CLSTN2: variants seen among roughly 807,000 people sequenced by gnomAD.
CLSTN2 encodes calsyntenin-2.
A neutral mutation model predicts 101.2 loss-of-function variants in CLSTN2; 48 were observed. The observed-to-expected ratio is 0.47, with a 90% CI of 0.38 to 0.60. CLSTN2 has a LOEUF of 0.60. Ranked by LOEUF, CLSTN2 falls within the 20% of genes least tolerant of loss-of-function variation. The probability of loss-of-function intolerance (pLI) is 0.00; values close to 1 mark genes in which losing one functional copy is unlikely to be tolerated. For missense variants in CLSTN2, 1,160 were observed against 1,238.2 expected (o/e 0.94, Z 0.95); for synonymous variants, 481 against 463.6 (o/e 1.04, Z -0.48).
chr3:140,404,810 C>T, intron 4 of CLSTN2, 44 bp downstream of exon 4: 2 of 1,514,282 alleles, frequency 1.3e-6, no homozygotes, highest in Middle Eastern at 1.7e-4. Flanking sequence ...GAAAACAAAT[C>T]CATCGCCTCC....
chr3:139,994,851 G>A (rs1408635665), intron 1 of CLSTN2, among the ~76,000 whole-genome samples: 1 of 152,128 alleles, frequency 6.6e-6, no homozygotes, highest in Non-Finnish European at 1.5e-5. Flanking sequence ...TGTTTCCTTT[G>A]CCACTAAGGA....
At chr3:140,504,365 CAAAA>C (rs1319651399) in intron 8 of CLSTN2, among the ~76,000 whole-genome samples, 2 of 140,908 alleles carry the variant, frequency 1.4e-5, no homozygotes, top group East Asian at 2.0e-4. Context: ...TTTCTCATGC[CAAAA>C]AAAAAAAGGT....
At position 140,150,273 on chromosome 3, in the gene CLSTN2, A is replaced by T. The variant is rs1273841496; in HGVS notation, c.110-25678A>T. Among the ~76,000 whole-genome samples the T allele has an allele frequency of 2.6e-5, 4 of 152,206 alleles. No homozygotes were observed. In the East Asian group the frequency reaches 5.8e-4, roughly 22 times the overall value. On this transcript the variant is annotated intron_variant, in intron 1 of 16. Coordinates refer to ENST00000458420, the MANE Select transcript of CLSTN2 (RefSeq NM_022131.3). ...ATGAGCGTTGCACAGTGATAGAAGC[A>T]TATGCTGTGGAATCAGAAATGAGTT... is the stretch of plus-strand genomic sequence containing the variant.
Position 140,357,447 on chromosome 3 carries a change from A to G in CLSTN2, c.233-46182A>G, listed in dbSNP as rs146768981. Among the ~76,000 whole-genome samples the G allele has an allele frequency of 1.9e-4, 29 of 152,278 alleles. No individual in the cohort carries two copies. The East Asian group carries it at 5.2e-3, about 27-fold the overall frequency. On this transcript the variant is annotated intron_variant, in intron 2 of 16. Coordinates refer to ENST00000458420, the MANE Select transcript of CLSTN2 (RefSeq NM_022131.3). The stretch of plus-strand genomic sequence containing the variant: ...CTCCAGACGTCTTTCCAATGGACAC[A>G]TGCCCATGCATTCATACCTGTTATT...
intron 2 of CLSTN2, among the ~76,000 whole-genome samples, chr3:140,269,178 A>T (rs2086720301): frequency 6.6e-6 from 1 of 152,176 alleles, no homozygotes; most frequent in Non-Finnish European, 1.5e-5. Context: ...TTTTCCATGG[A>T]TACAAGTTGG....
intron 2 of CLSTN2, among the ~76,000 whole-genome samples, chr3:140,394,164 T>C (rs374487076): frequency 2.6e-4 from 39 of 152,340 alleles, no homozygotes; most frequent in African/African-American, 9.1e-4. Context: ...CCTGACTTAC[T>C]ACATTCTCAG....
At chr3:140,392,870 G>A (rs2088132871) in intron 2 of CLSTN2, among the ~76,000 whole-genome samples, 1 of 152,022 alleles carries the variant, frequency 6.6e-6, no homozygotes, top group Non-Finnish European at 1.5e-5. Flanking sequence ...CAGTTATGGA[G>A]GGTGAGAAGT....
chr3:140,320,813 G>A (rs2087276823), intron 2 of CLSTN2, among the ~76,000 whole-genome samples: 1 of 152,152 alleles, frequency 6.6e-6, no homozygotes, highest in Non-Finnish European at 1.5e-5. Flanking sequence ...GCCTCAAGCA[G>A]TTTCAGAAAT....
intron 2 of CLSTN2, among the ~76,000 whole-genome samples, chr3:140,362,095 T>G (rs1369577324): frequency 6.6e-6 from 1 of 152,134 alleles, no homozygotes; most frequent in Non-Finnish European, 1.5e-5. Flanking sequence ...ATCAGCACAG[T>G]GAGGTACTGG....
intron 1 of CLSTN2, among the ~76,000 whole-genome samples, chr3:140,100,706 A>C (rs2008951232): frequency 6.6e-6 from 1 of 152,204 alleles, no homozygotes; most frequent in Admixed American, 6.5e-5. Context: ...GGTGGAGAAT[A>C]ATTTCACGCA....
At chr3:140,533,650 G>A (rs146238147) in intron 9 of CLSTN2, among the ~76,000 whole-genome samples, 12,278 of 148,744 alleles carry the variant, frequency 0.083, 508 homozygotes, top group Non-Finnish European at 0.096. Context: ...GGTGGAGCTC[G>A]CAGTGAGCCG....
intron 16 of CLSTN2, among the ~76,000 whole-genome samples, chr3:140,565,052 C>T (rs1936001940): frequency 6.6e-6 from 1 of 152,180 alleles, no homozygotes; most frequent in Non-Finnish European, 1.5e-5. Flanking sequence ...ATGCTGAGCT[C>T]AGTGCTATAC....
chr3:140,464,162 C>A (rs1274561992), intron 7 of CLSTN2, among the ~76,000 whole-genome samples: 1 of 152,154 alleles, frequency 6.6e-6, no homozygotes, highest in Admixed American at 6.5e-5. Context: ...TTCCTCTCAT[C>A]CATATTCCCC....
intron 8 of CLSTN2, among the ~76,000 whole-genome samples, chr3:140,473,955 T>C (rs1933919631): frequency 6.6e-6 from 1 of 152,052 alleles, no homozygotes; most frequent in African/African-American, 2.4e-5. Flanking sequence ...TGGTTTTTTT[T>C]AGTAGAGACA....
At chr3:140,137,229 C>T (rs890284750) in intron 1 of CLSTN2, among the ~76,000 whole-genome samples, 3 of 152,096 alleles carry the variant, frequency 2.0e-5, no homozygotes, top group African/African-American at 4.8e-5. Flanking sequence ...GATACAAAAT[C>T]GCTGAAGCTG....
chr3:140,326,668 C>A (rs923844585), intron 2 of CLSTN2, among the ~76,000 whole-genome samples: 2 of 152,168 alleles, frequency 1.3e-5, no homozygotes, highest in African/African-American at 2.4e-5. Flanking sequence ...AAGCTACCAC[C>A]CTTTTTGTCC....
chr3:140,483,429 G>A (rs981821191), intron 8 of CLSTN2, among the ~76,000 whole-genome samples: 2 of 152,158 alleles, frequency 1.3e-5, no homozygotes, highest in African/African-American at 2.4e-5. Flanking sequence ...GTTGATTTGG[G>A]GTGGAGAGTT....
intron 2 of CLSTN2, among the ~76,000 whole-genome samples, chr3:140,215,953 A>G (rs1015491163): frequency 3.6e-4 from 55 of 152,316 alleles, no homozygotes; most frequent in African/African-American, 1.3e-3. Context: ...GAATTAGAGC[A>G]GGGGTCCCCA....
Position 140,377,022 on chromosome 3 carries a change from C to CACACAGAGAGAGAGAGAG in CLSTN2, c.233-26606_233-26605insCACAGAGAGAGAGAGAGA, listed in dbSNP as rs148236356. 1.8e-3 allele frequency among the ~76,000 whole-genome samples: 271 copies of CACACAGAGAGAGAGAGAG among 148,830 alleles called. 1 individual carries two copies. Among genetic ancestry groups the CACACAGAGAGAGAGAGAG allele is most frequent in the Middle Eastern group, 3.4e-3 (1 of 290 alleles). On this transcript the variant is annotated intron_variant, in intron 2 of 16. Coordinates refer to ENST00000458420, the MANE Select transcript of CLSTN2 (RefSeq NM_022131.3). ...TTAGTGTGTTACACACACACATACACAGAGAGAGAGAGAGAGAGGATGTGT... is the reference window on the plus strand; with the variant it reads ...TTAGTGTGTTACACACACACATACACACACAGAGAGAGAGAGAGAGAGAGAGAGAGAGAGAGGATGTGT...
Sources: gnomAD v4.1 joint callset for allele counts (sites outside exome capture counted in the v4.1 genomes callset) on GRCh38, gnomAD v4.1.1 for gene constraint, MANE v1.5 for transcripts, NCBI Gene and HGNC (gene_info 2026-07-23, HGNC 2026-07-21) for gene names.